The following MFF variants were observed in gnomAD, a reference collection of about 807,000 sequenced individuals.
The protein encoded by MFF is chromosome 2 open reading frame 33.
MFF carries 12 observed loss-of-function variants against 36.9 expected under a neutral mutation model. That is an observed-to-expected ratio of 0.33 (90% CI 0.21 to 0.53). MFF has a LOEUF of 0.53. MFF is among the 20% of genes least tolerant of loss of function. The probability of loss-of-function intolerance (pLI) is 0.95; values close to 1 mark genes in which losing one functional copy is unlikely to be tolerated. For synonymous variants in MFF, 99 were observed against 126.2 expected (o/e 0.78, Z 1.44); for missense variants, 348 against 366.6 (o/e 0.95, Z 0.42).
chr2:227,331,695 G>A (rs1473977172), intron 3 of MFF, among the ~76,000 whole-genome samples: 1 of 152,180 alleles, frequency 6.6e-6, no homozygotes. Flanking sequence ...CTGTTTGAGT[G>A]GGCGTGTAGT....
In MFF at chr2:227,328,689, GCT is replaced by G. The variant is rs1064794418; in HGVS notation, c.-137_-136del. 5.2e-5 allele frequency: 8 copies of G among 155,180 alleles called. No individual in the cohort carries two copies. The highest frequency in any genetic ancestry group is 1.9e-4 in the African/African-American group (8 of 41,718). The allele number at this position is 155,180 out of a possible 1,614,324, so 9.6% of individuals were successfully genotyped here. A position where few individuals can be genotyped will look rare whatever the true frequency, so the allele number is the denominator to read the frequency against. ...TTTTTCTTCCCCAGGGACAAAAGTG[GCT>G]CTCAATCCAGCACATGCACATTGAA... is the stretch of plus-strand genomic sequence containing the variant. On this transcript the variant is annotated 5_prime_UTR_variant, in exon 2 of 9. Transcript: ENST00000304593.
chr2:227,345,153 A>G (rs768514446), intron 5 of MFF, among the ~76,000 whole-genome samples: 3 of 152,212 alleles, frequency 2.0e-5, no homozygotes, highest in Admixed American at 1.3e-4. Flanking sequence ...CTCATTTCCT[A>G]TATATGGACA....
intron 4 of MFF, among the ~76,000 whole-genome samples, chr2:227,334,282 A>C (rs1387451384): frequency 6.6e-6 from 1 of 152,220 alleles, no homozygotes; most frequent in Non-Finnish European, 1.5e-5. Context: ...CTGTGGCAGG[A>C]GCCAGATCCT....
intron 5 of MFF, chr2:227,346,636 T>C (rs557902666): frequency 6.6e-6 from 1 of 152,268 alleles, no homozygotes; most frequent in African/African-American, 2.4e-5. Context: ...AGAGAACATA[T>C]GCTTACTATA....
chr2:227,347,154 C>T, intron 5 of MFF, 72 bp from the exon 6 acceptor site: 1 of 1,359,630 alleles, frequency 7.4e-7, no homozygotes, highest in Middle Eastern at 1.9e-4. Flanking sequence ...AAGATAAAGA[C>T]TGCTCAGCTG....
chr2:227,353,975 A>AT (rs943688026), intron 7 of MFF, among the ~76,000 whole-genome samples: 31 of 152,146 alleles, frequency 2.0e-4, no homozygotes, highest in African/African-American at 6.3e-4. Flanking sequence ...TTCTACCTTT[A>AT]TTTTTTCCAC....
intron 4 of MFF, among the ~76,000 whole-genome samples, chr2:227,333,531 C>T (rs2106360208): frequency 6.6e-6 from 1 of 152,186 alleles, no homozygotes; most frequent in Admixed American, 6.5e-5. Flanking sequence ...ATACTATATG[C>T]AGTATAGGAA....
chr2:227,351,362 A>G (rs2075986654), intron 6 of MFF, among the ~76,000 whole-genome samples: 1 of 151,754 alleles, frequency 6.6e-6, no homozygotes, highest in Non-Finnish European at 1.5e-5. Context: ...GAAGTTAAAC[A>G]TTAGAATTTT....
chr2:227,357,180 T>A lies in MFF; in HGVS notation c.*63T>A. The A allele has an allele frequency of 6.4e-7, 1 of 1,556,680 alleles. No individual in the cohort carries two copies. The highest frequency in any genetic ancestry group is 8.7e-7 in the Non-Finnish European group (1 of 1,145,224). ...TGGAAATATAAAAGATTTGCAAACT[T>A]CTTTGTTTCTGTCTCTGCATTGTAT... On this transcript the variant is annotated 3_prime_UTR_variant, in exon 9 of 9. Coordinates refer to ENST00000304593, the MANE Select transcript of MFF (RefSeq NM_001277062.2).
chr2:227,340,526 T>A lies in MFF; in HGVS notation c.440+146T>A. 6 of 637,898 alleles carry A rather than the reference T, an allele frequency of 9.4e-6. No homozygotes were observed. In the South Asian group the frequency reaches 1.2e-4, roughly 13 times the overall value. 39.5% of individuals were successfully genotyped at this position (637,898 alleles called of 1,614,324 possible). A position where few individuals can be genotyped will look rare whatever the true frequency, so the allele number is the denominator to read the frequency against. Reference sequence around the variant, plus strand: ...TATTTTTGTAATACTTTTTGTAATCTTAAAATCTGGCCATTTTGTTGGTCC... The same window carrying A: ...TATTTTTGTAATACTTTTTGTAATCATAAAATCTGGCCATTTTGTTGGTCC... On this transcript the variant is annotated intron_variant, in intron 5 of 8. Transcript: ENST00000304593.
At chr2:227,338,044 GA>G (rs141010777) in intron 4 of MFF, among the ~76,000 whole-genome samples, 20,159 of 143,986 alleles carry the variant, frequency 0.14, 1,382 homozygotes, top group Non-Finnish European at 0.15. Flanking sequence ...ACCCTATCTG[GA>G]AAAAAAAAAA....
chr2:227,352,632 A>T (rs370554467), intron 7 of MFF, 59 bp downstream of exon 7: 2 of 1,359,464 alleles, frequency 1.5e-6, no homozygotes, highest in Non-Finnish European at 2.0e-6. Context: ...TGTGTGTTGC[A>T]GGGCATGTTG....
chr2:227,330,951 A>T, intron 3 of MFF, 105 bp downstream of exon 3: 1 of 872,768 alleles, frequency 1.1e-6, no homozygotes, highest in Non-Finnish European at 1.7e-6. Context: ...GGAGTTGGAA[A>T]ATGCAACTTT....
At chr2:227,326,044 G>A (rs1430038264) in intron 1 of MFF, among the ~76,000 whole-genome samples, 1 of 152,054 alleles carries the variant, frequency 6.6e-6, no homozygotes, top group Non-Finnish European at 1.5e-5. Context: ...CTGGGAAGCC[G>A]GAGGAAAGCT....
In MFF at chr2:227,347,259, T is replaced by C; in HGVS notation, c.474T>C (p.Cys158=). 1 of 1,613,778 alleles carries C rather than the reference T, an allele frequency of 6.2e-7. No homozygotes were observed. The highest frequency in any genetic ancestry group is 8.5e-7 in the Non-Finnish European group (1 of 1,179,762). ...VTPSPQQARV[C]PPHMLPEDGA... Reference sequence around the variant, plus strand: ...CATCGCCACAACAGGCTCGGGTCTGTCCTCCCCATATGTTACCTGAAGATG... The same window carrying C: ...CATCGCCACAACAGGCTCGGGTCTGCCCTCCCCATATGTTACCTGAAGATG... The change falls in exon 6 of 9, where the codon TGT becomes TGC. Residue 158 remains cysteine, a synonymous_variant. Transcript: ENST00000304593.
intron 4 of MFF, among the ~76,000 whole-genome samples, chr2:227,338,428 G>A (rs1320304081): frequency 6.6e-6 from 1 of 151,532 alleles, no homozygotes; most frequent in African/African-American, 2.4e-5. Context: ...GAGCCACCGT[G>A]CCCAACCAAA....
rs555108274 is a variant in MFF at position 227,355,849 on chromosome 2, C to T, written c.744+88C>T. On this transcript the variant is annotated intron_variant, in intron 8 of 8. Transcript: ENST00000304593. ...AGTTCTCAACATTTTATTATTTTCT[C>T]TCCTGTGGGACTATCAAACTAGTAA... The T allele has an allele frequency of 3.1e-5, 25 of 816,056 alleles. No individual in the cohort carries two copies. The African/African-American group carries it at 4.1e-4, about 13-fold the overall frequency. 50.6% of individuals were successfully genotyped at this position (816,056 alleles called of 1,614,324 possible). A position where few individuals can be genotyped will look rare whatever the true frequency, so the allele number is the denominator to read the frequency against.
intron 4 of MFF, among the ~76,000 whole-genome samples, chr2:227,333,949 C>A (rs1272160606): frequency 6.6e-6 from 1 of 152,054 alleles, no homozygotes. Context: ...CTCAGTAGAC[C>A]CAGGCTTTAA....
intron 5 of MFF, among the ~76,000 whole-genome samples, chr2:227,341,505 T>TA (rs2075389299): frequency 6.6e-6 from 1 of 152,124 alleles, no homozygotes; most frequent in Admixed American, 6.5e-5. Flanking sequence ...AATGAATATA[T>TA]ATCTCCTTCA....
Sources: allele counts gnomAD v4.1 joint callset (sites outside exome capture counted in the v4.1 genomes callset), GRCh38; gene constraint gnomAD v4.1.1; transcripts MANE v1.5; gene names NCBI Gene and HGNC (gene_info 2026-07-23, HGNC 2026-07-21).